MVB12B: variants seen among roughly 807,000 people sequenced by gnomAD.
MVB12B encodes the protein multivesicular body subunit 12B, also known as ESCRT-I complex subunit MVB12B.
MVB12B carries 16 observed loss-of-function variants against 41.6 expected under a neutral mutation model. That is an observed-to-expected ratio of 0.38 (90% confidence interval 0.26 to 0.58). The LOEUF is 0.58. MVB12B is among the 20% of genes least tolerant of loss of function. The pLI, the probability that MVB12B is intolerant of heterozygous loss-of-function variation, is 0.62. For synonymous variants in MVB12B, 133 were observed against 139.7 expected, an observed-to-expected ratio of 0.95 and a Z score of 0.34; for missense variants, 274 against 380.2, an observed-to-expected ratio of 0.72 and a Z score of 2.32.
chr9:126,395,872 A>G lies in MVB12B; in HGVS notation c.662+175A>G. 7.0e-7 allele frequency: 1 copy of G among 1,425,662 alleles called. No individual in the cohort carries two copies. Among genetic ancestry groups the G allele is most frequent in the East Asian group, 2.5e-5 (1 of 39,560 alleles). The allele number at this position is 1,425,662 out of a possible 1,614,324, so 88.3% of individuals were successfully genotyped here. On this transcript the variant is annotated intron_variant, in intron 6 of 9. Coordinates refer to ENST00000361171, the MANE Select transcript of MVB12B (RefSeq NM_033446.3). The surrounding 1 kb of genome is among the most constrained non-coding windows in gnomAD (Gnocchi z 4.9). ...AAATCCACTTGGAAATCTTTGCATTACATGAATGCAAAGGCCATTCTATAG... is the reference window on the plus strand; with the variant it reads ...AAATCCACTTGGAAATCTTTGCATTGCATGAATGCAAAGGCCATTCTATAG...
chr9:126,355,017 A>G (rs1003234427), intron 2 of MVB12B, among the ~76,000 whole-genome samples: 11 of 152,036 alleles, frequency 7.2e-5, no homozygotes, highest in Admixed American at 5.9e-4. Flanking sequence ...TTGTGTAGCT[A>G]TTTTCTGAAC....
chr9:126,423,322 G>A (rs1056250692), intron 7 of MVB12B, among the ~76,000 whole-genome samples: 8 of 152,188 alleles, frequency 5.3e-5, no homozygotes, highest in African/African-American at 9.7e-5. Flanking sequence ...AGCTGTTGGC[G>A]TTTCTGCAGG....
At chr9:126,396,219 G>T (rs1831110194) in intron 6 of MVB12B, 1 of 986,586 alleles carries the variant, frequency 1.0e-6, no homozygotes, top group East Asian at 1.1e-4. Flanking sequence ...AATTGTCTCC[G>T]CAAAGAAACT....
At chr9:126,422,035 A>G in intron 7 of MVB12B, 87 bp downstream of exon 7, 1 of 930,700 alleles carries the variant, frequency 1.1e-6, no homozygotes. Context: ...TTCTCGTGGG[A>G]TCTGTCTGCC....
chr9:126,503,454 C>G lies in MVB12B; in HGVS notation c.*191C>G. On this transcript the variant is annotated 3_prime_UTR_variant, in exon 10 of 10. Transcript: ENST00000361171. ...CTGGCCTCACTGACACCCCGGCCTC[C>G]CTGGGGACATTGTTCATAACCATGA... is the stretch of plus-strand genomic sequence containing the variant. The G allele has an allele frequency of 1.7e-6, 1 of 599,930 alleles. No individual in the cohort carries two copies. The highest frequency in any genetic ancestry group is 2.8e-5 in the East Asian group (1 of 36,202). 37.2% of individuals were successfully genotyped at this position (599,930 alleles called of 1,614,324 possible).
At chr9:126,361,441 TTTA>T (rs1830027602) in intron 2 of MVB12B, among the ~76,000 whole-genome samples, 1 of 152,222 alleles carries the variant, frequency 6.6e-6, no homozygotes, top group South Asian at 2.1e-4. Flanking sequence ...GCTTTAAAGT[TTTA>T]TTATCTTATA....
At chr9:126,454,866 C>CACCACAGAG (rs1240115115) in intron 7 of MVB12B, among the ~76,000 whole-genome samples, 43 of 152,128 alleles carry the variant, frequency 2.8e-4, no homozygotes, top group Middle Eastern at 3.4e-3. Context: ...GGTAACAACA[C>CACCACAGAG]ACCACAGAGA....
chr9:126,345,654 C>T (rs200233689), intron 2 of MVB12B, among the ~76,000 whole-genome samples: 1 of 152,280 alleles, frequency 6.6e-6, no homozygotes, highest in Non-Finnish European at 1.5e-5. Flanking sequence ...TTTGATTTGG[C>T]TTCATGATTT....
At chr9:126,422,587 A>C (rs1377000991) in intron 7 of MVB12B, among the ~76,000 whole-genome samples, 1 of 152,194 alleles carries the variant, frequency 6.6e-6, no homozygotes, top group Non-Finnish European at 1.5e-5. Flanking sequence ...GGAAACCCAC[A>C]AACTCGCCTC....
chr9:126,355,174 C>T (rs983992528), intron 2 of MVB12B, among the ~76,000 whole-genome samples: 1 of 152,180 alleles, frequency 6.6e-6, no homozygotes, highest in Non-Finnish European at 1.5e-5. Context: ...ATATAGGGCC[C>T]TTATGCAGGG....
intron 2 of MVB12B, among the ~76,000 whole-genome samples, chr9:126,342,332 A>T (rs1829467711): frequency 6.6e-6 from 1 of 152,090 alleles, no homozygotes; most frequent in Admixed American, 6.5e-5. Flanking sequence ...TATCTTTAGC[A>T]TTCCGTTTGT....
At chr9:126,422,509 T>TA (rs1266524278) in intron 7 of MVB12B, among the ~76,000 whole-genome samples, 2 of 152,174 alleles carry the variant, frequency 1.3e-5, no homozygotes, top group Admixed American at 1.3e-4. Context: ...GGGGAAAACT[T>TA]ACAAGCCTTA....
chr9:126,349,732 C>A (rs1829696460), intron 2 of MVB12B, among the ~76,000 whole-genome samples: 1 of 152,046 alleles, frequency 6.6e-6, no homozygotes, highest in Non-Finnish European at 1.5e-5. Context: ...TTTGGATATC[C>A]CACAATTTGT....
At chr9:126,493,023 T>C (rs1431514920) in intron 9 of MVB12B, among the ~76,000 whole-genome samples, 1 of 152,176 alleles carries the variant, frequency 6.6e-6, no homozygotes, top group East Asian at 1.9e-4. Flanking sequence ...AGCAAACTTT[T>C]CTCTATGAGT....
chr9:126,386,470 T>C lies in MVB12B; in HGVS notation c.313-92T>C. On this transcript the variant is annotated intron_variant, in intron 3 of 9. Transcript: ENST00000361171. This position sits in a 1 kb window ranked among gnomAD's most constrained non-coding sequence, Gnocchi z 4.3. ...TGCTGTCATAAAGCTGCACGAGTCA[T>C]TGTGTTAAATATGCATCTGGAAGCC... is the stretch of plus-strand genomic sequence containing the variant. The C allele has an allele frequency of 3.8e-6, 3 of 790,678 alleles. No homozygotes were observed. Among genetic ancestry groups the C allele is most frequent in the South Asian group, 3.0e-5 (2 of 67,316 alleles). The allele number at this position is 790,678 out of a possible 1,614,324, so 49.0% of individuals were successfully genotyped here.
At chr9:126,423,689 T>TG (rs1832089017) in intron 7 of MVB12B, among the ~76,000 whole-genome samples, 1 of 152,174 alleles carries the variant, frequency 6.6e-6, no homozygotes, top group Non-Finnish European at 1.5e-5. Flanking sequence ...CTGCAGGACC[T>TG]GCTGGCTCCA....
chr9:126,371,254 T>G (rs1472823961), intron 2 of MVB12B, among the ~76,000 whole-genome samples: 2 of 152,228 alleles, frequency 1.3e-5, no homozygotes, highest in Non-Finnish European at 2.9e-5. Context: ...GTGTCATAGC[T>G]TGGCCGTCTG....
At chr9:126,411,869 C>T (rs368733035) in intron 6 of MVB12B, among the ~76,000 whole-genome samples, 5 of 152,308 alleles carry the variant, frequency 3.3e-5, no homozygotes, top group East Asian at 3.9e-4. Flanking sequence ...AGATCTCAAT[C>T]GTAATTCAGA....
intron 2 of MVB12B, among the ~76,000 whole-genome samples, chr9:126,370,243 GT>G (rs1830297901): frequency 6.6e-6 from 1 of 152,150 alleles, no homozygotes; most frequent in Admixed American, 6.5e-5. Flanking sequence ...GCCCTCTGAA[GT>G]GGCGTGCAGG....
Sources: gnomAD v4.1 joint callset for allele counts (sites outside exome capture counted in the v4.1 genomes callset) on GRCh38, gnomAD v4.1.1 for gene constraint, Gnocchi (gnomAD v3.1) non-coding constraint, MANE v1.5 for transcripts, NCBI Gene and HGNC (gene_info 2026-07-23, HGNC 2026-07-21) for gene names.